The following PIKFYVE variants were observed in gnomAD, a reference collection of about 807,000 sequenced individuals.
PIKFYVE encodes the protein 1-phosphatidylinositol 3-phosphate 5-kinase.
In PIKFYVE, 122 loss-of-function variants were observed where a neutral mutation model predicts 257.9. The observed-to-expected ratio is 0.47, with a 90% CI of 0.41 to 0.55. The LOEUF is 0.55. PIKFYVE is among the 20% of genes least tolerant of loss of function. PIKFYVE has a pLI of 0.00. For synonymous variants in PIKFYVE, 892 were observed against 868.9 expected (o/e 1.03, Z -0.47); for missense variants, 2,160 against 2,536.6 (o/e 0.85, Z 3.19).
intron 7 of PIKFYVE, among the ~76,000 whole-genome samples, chr2:208,297,227 C>A (rs1415733816): frequency 6.6e-6 from 1 of 151,954 alleles, no homozygotes; most frequent in Non-Finnish European, 1.5e-5. Context: ...TTCTTTTATT[C>A]TTGTTGCCAC....
chr2:208,325,224 A>G, intron 19 of PIKFYVE, 46 bp from the exon 20 acceptor site: 15 of 1,586,450 alleles, frequency 9.5e-6, no homozygotes, highest in Non-Finnish European at 1.3e-5. Context: ...GTACTTCTGG[A>G]TTGCCACCTC....
rs150804503 is a variant in PIKFYVE, at chr2:208,276,756, C to T, written c.367C>T (p.Arg123Cys). ...AEPTFGGHDP[R>C]TAVQLRSLST... is the part of the protein sequence containing the mutation. ...ACCTACCTTTGGAGGTCATGACCCT[C>T]GTACAGCTGTTCAGCTTCGAAGCCT... The change falls in exon 4 of 42, where the codon CGT (arginine) becomes TGT (cysteine). Residue 123 changes from arginine (R) to cysteine (C), a missense_variant. By Grantham distance (180) the Arg-to-Cys change is radical. This residue lies in a region of PIKFYVE where 172 missense variants were observed against 180.6 expected (regional missense o/e 0.95). Transcript: ENST00000264380. 17 of 1,613,566 alleles carry T rather than the reference C, an allele frequency of 1.1e-5. No homozygotes were observed. Among genetic ancestry groups the T allele is most frequent in the South Asian group, 3.3e-5 (3 of 91,070 alleles).
At chr2:208,307,737 A>G (rs2125392358) in intron 12 of PIKFYVE, among the ~76,000 whole-genome samples, 1 of 152,330 alleles carries the variant, frequency 6.6e-6, no homozygotes, top group South Asian at 2.1e-4. Flanking sequence ...AAACAACCCC[A>G]TTTCCATTTT....
chr2:208,314,446 T>C (rs1294586176), intron 14 of PIKFYVE, 23 bp downstream of exon 14: 34 of 1,606,808 alleles, frequency 2.1e-5, no homozygotes, highest in Non-Finnish European at 2.8e-5. Flanking sequence ...AATTTTTAAT[T>C]TTAATTTTTC....
intron 38 of PIKFYVE, among the ~76,000 whole-genome samples, chr2:208,351,855 T>C (rs1479583498): frequency 6.6e-6 from 1 of 152,158 alleles, no homozygotes; most frequent in Non-Finnish European, 1.5e-5. Flanking sequence ...TCTGCTCCCA[T>C]GACCCAAATA....
intron 7 of PIKFYVE, among the ~76,000 whole-genome samples, chr2:208,295,279 T>G (rs1402813101): frequency 6.6e-6 from 1 of 152,244 alleles, no homozygotes; most frequent in East Asian, 1.9e-4. Flanking sequence ...TTCTATTTTT[T>G]ACTTTTGAAT....
chr2:208,298,145 T>C (rs1488535196), intron 7 of PIKFYVE, among the ~76,000 whole-genome samples: 4 of 152,200 alleles, frequency 2.6e-5, no homozygotes, highest in Non-Finnish European at 5.9e-5. Flanking sequence ...TCATGGGCTA[T>C]ACAGAAAGAG....
chr2:208,312,328 GTC>G (rs1445629791), intron 13 of PIKFYVE, 33 bp downstream of exon 13: 2 of 1,537,562 alleles, frequency 1.3e-6, no homozygotes, highest in Non-Finnish European at 1.8e-6. Context: ...GTGGAATGGT[GTC>G]TCTTTTTTTC....
chr2:208,338,662 T>A (rs1168776214), intron 29 of PIKFYVE, 94 bp downstream of exon 29: 2 of 1,248,734 alleles, frequency 1.6e-6, no homozygotes, highest in Non-Finnish European at 2.3e-6. Flanking sequence ...GTTTTTCCGA[T>A]GCTGTTGTTC....
In PIKFYVE at chr2:208,285,920, T is replaced by C; in HGVS notation, c.808T>C (p.Leu270=). 1 of 1,613,982 alleles carries C rather than the reference T, an allele frequency of 6.2e-7. No homozygotes were observed. Among genetic ancestry groups the C allele is most frequent in the Non-Finnish European group, 8.5e-7 (1 of 1,179,900 alleles). The change falls in exon 6 of 42, where the codon TTG becomes CTG. Residue 270 remains leucine, a synonymous_variant. Transcript: ENST00000264380. The part of the protein sequence containing the change: ...ASRNIFLEDD[L]AWQSLIHPDS... ...CCGTAACATATTTTTAGAGGATGAT[T>C]TGGCCTGGCAAAGGTATTGTCCCTT...
rs554114027 is a variant in PIKFYVE, at chr2:208,334,190, A to G, written c.4142+697A>G. 2.3e-4 allele frequency among the ~76,000 whole-genome samples: 35 copies of G among 152,296 alleles called. No individual in the cohort carries two copies. The South Asian group carries it at 6.8e-3, about 30-fold the overall frequency. ...ACTCTACCACTACCACTTTGGGCTG[A>G]GCCTCTGTTATCTTTCACCTGGATT... On this transcript the variant is annotated intron_variant, in intron 24 of 41. Coordinates refer to ENST00000264380, the MANE Select transcript of PIKFYVE (RefSeq NM_015040.4).
intron 5 of PIKFYVE, among the ~76,000 whole-genome samples, chr2:208,277,955 A>G (rs1381259804): frequency 6.6e-6 from 1 of 152,224 alleles, no homozygotes; most frequent in African/African-American, 2.4e-5. Context: ...CTATAGGAAC[A>G]TTAAAATTTA....
At chr2:208,302,507 G>A (rs1693816534) in intron 10 of PIKFYVE, 154 bp downstream of exon 10, 2 of 696,262 alleles carry the variant, frequency 2.9e-6, no homozygotes, top group Non-Finnish European at 5.0e-6. Flanking sequence ...TTACTTGGTA[G>A]GCAGCAGTGA....
chr2:208,346,273 C>A, intron 34 of PIKFYVE, 126 bp downstream of exon 34: 3 of 823,020 alleles, frequency 3.6e-6, no homozygotes, highest in Non-Finnish European at 6.0e-6. Flanking sequence ...CTCTGAAATA[C>A]AAATTTAGAT....
At chr2:208,320,976 C>T (rs957072852) in intron 17 of PIKFYVE, among the ~76,000 whole-genome samples, 5 of 152,218 alleles carry the variant, frequency 3.3e-5, no homozygotes, top group African/African-American at 9.7e-5. Flanking sequence ...AGCTTTGCTG[C>T]TCAGAGCTCC....
Position 208,355,457 on chromosome 2 carries a change from A to C in PIKFYVE, c.*152A>C. 1.6e-6 allele frequency: 1 copy of C among 638,024 alleles called. No homozygotes were observed. The highest frequency in any genetic ancestry group is 2.8e-5 in the Admixed American group (1 of 35,390). The allele number at this position is 638,024 out of a possible 1,614,324, so 39.5% of individuals were successfully genotyped here. ...GGCTGTTTAGACTGTCCGTAATGGA[A>C]TGGTAAAACTCCATGAATTTGCACT... is the stretch of plus-strand genomic sequence containing the variant. On this transcript the variant is annotated 3_prime_UTR_variant, in exon 42 of 42. Transcript: ENST00000264380.
At chr2:208,304,790 C>A in intron 11 of PIKFYVE, 56 bp from the exon 12 acceptor site, 1 of 1,556,566 alleles carries the variant, frequency 6.4e-7, no homozygotes, top group Non-Finnish European at 8.9e-7. Flanking sequence ...CCTGATAAAA[C>A]CCATTTTTAC....
chr2:208,275,057 T>A (rs1329705654), intron 3 of PIKFYVE, among the ~76,000 whole-genome samples: 1 of 152,248 alleles, frequency 6.6e-6, no homozygotes, highest in Non-Finnish European at 1.5e-5. Context: ...ATTATTTGAT[T>A]CTATCTTGAA....
chr2:208,338,590 T>C (rs568929828), intron 29 of PIKFYVE, 22 bp downstream of exon 29: 2 of 1,602,324 alleles, frequency 1.2e-6, no homozygotes, highest in South Asian at 1.1e-5. Context: ...AGTCTGGTGA[T>C]CACTTGCCGT....
Sources: allele counts gnomAD v4.1 joint callset (sites outside exome capture counted in the v4.1 genomes callset), GRCh38; gene constraint gnomAD v4.1.1; regional missense constraint gnomAD v4.1.1; transcripts MANE v1.5; gene names NCBI Gene and HGNC (gene_info 2026-07-23, HGNC 2026-07-21).